CEP57L1: variants seen among roughly 807,000 people sequenced by gnomAD.
CEP57L1 encodes the protein centrosomal protein CEP57L1.
Under a neutral mutation model 61.0 loss-of-function variants are expected in CEP57L1, and 37 were observed. That is an observed-to-expected ratio of 0.61 (90% CI 0.47 to 0.80). The LOEUF is 0.80. Ranked by LOEUF, CEP57L1 falls within the 30% of genes least tolerant of loss-of-function variation. The pLI is 0.00. For missense variants in CEP57L1, 422 were observed against 524.7 expected (o/e 0.80, Z 1.91); for synonymous variants, 137 against 162.3 (o/e 0.84, Z 1.19).
chr6:109,167,564 C>G lies in CEP57L1; in HGVS notation c.*4594C>G, dbSNP rs115346043. 7.5e-3 allele frequency among the ~76,000 whole-genome samples: 1,138 copies of G among 152,068 alleles called. 16 individuals are homozygous for G. Among genetic ancestry groups the G allele is most frequent in the African/African-American group, 0.026 (1,089 of 41,460 alleles). On this transcript the variant is annotated 3_prime_UTR_variant, in exon 11 of 11. Coordinates refer to ENST00000517392, the MANE Select transcript of CEP57L1 (RefSeq NM_001271852.3). Reference sequence around the variant, plus strand: ...CTGGGTGTGGTAGCATGCAGTCCAGCTACTCGGGAGGCTGAGGCAGGATAA... The same window carrying G: ...CTGGGTGTGGTAGCATGCAGTCCAGGTACTCGGGAGGCTGAGGCAGGATAA...
At chr6:109,147,014 C>T (rs777047425) in intron 3 of CEP57L1, 77 bp downstream of exon 3, 123 of 1,140,576 alleles carry the variant, frequency 1.1e-4, no homozygotes, top group Non-Finnish European at 1.4e-4. Context: ...TAGTCTAAGC[C>T]GATGTACTCA....
intron 1 of CEP57L1, among the ~76,000 whole-genome samples, chr6:109,127,989 A>G (rs887855057): frequency 2.6e-5 from 4 of 152,206 alleles, no homozygotes; most frequent in African/African-American, 9.6e-5. Context: ...AGGACTAACA[A>G]TGGTTCCCTA....
chr6:109,151,798 C>T (rs1772642658), intron 4 of CEP57L1, among the ~76,000 whole-genome samples: 1 of 152,138 alleles, frequency 6.6e-6, no homozygotes, highest in Non-Finnish European at 1.5e-5. Flanking sequence ...GACATCTTTT[C>T]TTCTTTAAGC....
intron 1 of CEP57L1, among the ~76,000 whole-genome samples, chr6:109,135,834 T>G (rs1162992950): frequency 6.6e-6 from 1 of 152,108 alleles, no homozygotes; most frequent in Non-Finnish European, 1.5e-5. Flanking sequence ...TCACTGGCCA[T>G]CAGAGAAATG....
intron 1 of CEP57L1, chr6:109,140,368 A>G (rs1289392310): frequency 6.7e-6 from 1 of 148,398 alleles, no homozygotes; most frequent in Non-Finnish European, 1.5e-5. Flanking sequence ...TTTGTCATTC[A>G]ATTTTGTTTA....
intron 1 of CEP57L1, among the ~76,000 whole-genome samples, chr6:109,107,201 T>C (rs1444432201): frequency 6.6e-6 from 1 of 152,160 alleles, no homozygotes; most frequent in Non-Finnish European, 1.5e-5. Flanking sequence ...CTGATTTTCT[T>C]AATCATTTTA....
At chr6:109,131,324 A>G (rs1774176461) in intron 1 of CEP57L1, among the ~76,000 whole-genome samples, 1 of 152,100 alleles carries the variant, frequency 6.6e-6, no homozygotes, top group South Asian at 2.1e-4. Flanking sequence ...ACTTTTTCTT[A>G]TTCTCAGCCT....
intron 1 of CEP57L1, among the ~76,000 whole-genome samples, chr6:109,127,206 C>T (rs929893562): frequency 6.6e-6 from 1 of 152,086 alleles, no homozygotes; most frequent in Non-Finnish European, 1.5e-5. Context: ...GGCTGTTCTA[C>T]TCATGTAATA....
At chr6:109,139,023 G>A (rs532578087) in intron 1 of CEP57L1, among the ~76,000 whole-genome samples, 4 of 152,026 alleles carry the variant, frequency 2.6e-5, no homozygotes, top group Admixed American at 2.6e-4. Context: ...GCTTCTCTCT[G>A]GCATATCTAA....
intron 1 of CEP57L1, among the ~76,000 whole-genome samples, chr6:109,141,245 T>C (rs937995900): frequency 6.6e-6 from 1 of 152,116 alleles, no homozygotes; most frequent in South Asian, 2.1e-4. Flanking sequence ...AGACACAGTC[T>C]CACATTGTTG....
rs1331838689 is a variant in CEP57L1 at position 109,174,368 on chromosome 6, A to G, written c.*11398A>G. ...ACACAAACCAAGCAAAACCTTCTGTAAAGTTTCTACCCTTTGCTCTAAAGT... is the reference window on the plus strand; with the variant it reads ...ACACAAACCAAGCAAAACCTTCTGTGAAGTTTCTACCCTTTGCTCTAAAGT... On this transcript the variant is annotated 3_prime_UTR_variant, in exon 11 of 11. Coordinates refer to ENST00000517392, the MANE Select transcript of CEP57L1 (RefSeq NM_001271852.3). 1.3e-5 allele frequency among the ~76,000 whole-genome samples: 2 copies of G among 152,322 alleles called. No individual in the cohort carries two copies. The highest frequency in any genetic ancestry group is 4.8e-5 in the African/African-American group (2 of 41,568).
In CEP57L1 at chr6:109,150,138, T is replaced by G. The variant is rs769585402; in HGVS notation, c.361T>G (p.Ser121Ala). ...CATAGATATAAGTATACAGTTAAGC[T>G]CAGCCCAGTCTCGTTGTACTCTTCT... ...QKKDISIQLS[S>A]AQSRCTLLEK... Residue 121 changes from serine (S) to alanine (A), a missense_variant, in exon 4 of 11, where the codon TCA becomes GCA. Physicochemically the swap from Ser to Ala is moderately conservative, Grantham distance 99 (BLOSUM62 1). Coordinates refer to ENST00000517392, the MANE Select transcript of CEP57L1 (RefSeq NM_001271852.3). The G allele has an allele frequency of 2.5e-6, 4 of 1,606,074 alleles. No homozygotes were observed. In the South Asian group the frequency reaches 4.4e-5, roughly 18 times the overall value.
At chr6:109,150,622 G>A (rs770547164) in intron 4 of CEP57L1, among the ~76,000 whole-genome samples, 5 of 148,316 alleles carry the variant, frequency 3.4e-5, no homozygotes, top group East Asian at 4.0e-4. Flanking sequence ...AGATTGTGCC[G>A]TTGCACTGCA....
intron 7 of CEP57L1, chr6:109,158,456 C>CCCAGT: frequency 2.9e-6 from 1 of 346,718 alleles, no homozygotes; most frequent in Non-Finnish European, 5.5e-6. Flanking sequence ...ACCACTGCAC[C>CCCAGT]CCAGTCTGGG....
chr6:109,138,538 C>T (rs1770992075), intron 1 of CEP57L1, among the ~76,000 whole-genome samples: 1 of 152,104 alleles, frequency 6.6e-6, no homozygotes, highest in Non-Finnish European at 1.5e-5. Flanking sequence ...ATAATAATTA[C>T]TGATCAAAGA....
intron 1 of CEP57L1, among the ~76,000 whole-genome samples, chr6:109,113,152 T>C (rs888481766): frequency 2.7e-4 from 41 of 152,106 alleles, no homozygotes; most frequent in African/African-American, 9.2e-4. Flanking sequence ...CTAAGTCTCT[T>C]TGTAGGTCTC....
intron 1 of CEP57L1, among the ~76,000 whole-genome samples, chr6:109,099,040 G>C (rs1184629042): frequency 6.6e-6 from 1 of 152,198 alleles, no homozygotes; most frequent in East Asian, 1.9e-4. Context: ...AAAATCTGCA[G>C]ATTTGTGAAT....
At chr6:109,153,081 A>G (rs1281345785) in intron 4 of CEP57L1, among the ~76,000 whole-genome samples, 1 of 151,426 alleles carries the variant, frequency 6.6e-6, no homozygotes, top group Admixed American at 6.6e-5. Flanking sequence ...GCTGCACTCC[A>G]GCCTGGGCAA....
At chr6:109,140,833 T>A (rs1583562924) in intron 1 of CEP57L1, among the ~76,000 whole-genome samples, 2 of 152,044 alleles carry the variant, frequency 1.3e-5, no homozygotes, top group Non-Finnish European at 2.9e-5. Flanking sequence ...TAGAGTTTTT[T>A]ATTTATTTAT....
Sources: allele counts gnomAD v4.1 joint callset (sites outside exome capture counted in the v4.1 genomes callset), GRCh38; gene constraint gnomAD v4.1.1; transcripts MANE v1.5; gene names NCBI Gene and HGNC (gene_info 2026-07-23, HGNC 2026-07-21).